Variants in PDIK1L observed in about 807,000 individuals in gnomAD.
The protein encoded by PDIK1L is PDLIM1 interacting kinase 1 like.
PDIK1L carries 9 observed loss-of-function variants against 27.1 expected under a neutral mutation model. The ratio of observed to expected loss-of-function variants is 0.33; its 90% CI spans 0.20 to 0.58. PDIK1L has a LOEUF of 0.58. Among genes scored for constraint, PDIK1L ranks in the 20% least tolerant of loss-of-function variants. The probability of loss-of-function intolerance (pLI) is 0.86; values close to 1 mark genes in which losing one functional copy is unlikely to be tolerated. For missense variants in PDIK1L, 216 were observed against 413.2 expected (o/e 0.52, Z 4.14); for synonymous variants, 130 against 141.7 (o/e 0.92, Z 0.59).
chr1:26,113,560 TAAGAA>T (rs2087833910), intron 1 of PDIK1L, among the ~76,000 whole-genome samples: 1 of 150,628 alleles, frequency 6.6e-6, no homozygotes, highest in African/African-American at 2.4e-5. Flanking sequence ...CATTATTGTG[TAAGAA>T]ATAAGGAGAT....
intron 2 of PDIK1L, among the ~76,000 whole-genome samples, chr1:26,117,248 T>A (rs1569808846): frequency 6.6e-6 from 1 of 151,470 alleles, no homozygotes; most frequent in African/African-American, 2.4e-5. Flanking sequence ...GCTAGGCTGG[T>A]CTCGAACTCC....
rs2088020970 is a variant in PDIK1L at position 26,123,172 on chromosome 1, AGTT to A, written c.*599_*601del. Reference sequence around the variant, plus strand: ...CCCTCCCCCTAATGAAATCATATTAAGTTGTTTTTTTTTTTTTTTGTAATATAC... The same window carrying A: ...CCCTCCCCCTAATGAAATCATATTAAGTTTTTTTTTTTTTTTGTAATATAC... On this transcript the variant is annotated 3_prime_UTR_variant, in exon 3 of 3. Transcript: ENST00000374269. The A allele has an allele frequency of 6.6e-6, 1 of 150,436 alleles. No individual in the cohort carries two copies. Among genetic ancestry groups the A allele is most frequent in the South Asian group, 2.1e-4 (1 of 4,746 alleles). The allele number at this position is 150,436 out of a possible 1,614,324, so 9.3% of individuals were successfully genotyped here.
At chr1:26,111,194 C>CCGCCGCCGCCGT (rs2087786265), upstream of PDIK1L, 1 of 157,976 alleles carries the variant, frequency 6.3e-6, no homozygotes, top group Non-Finnish European at 1.4e-5. The surrounding 1 kb of genome is among the most constrained non-coding windows in gnomAD (Gnocchi z 4.0). Context: ...CGCGCCGCCG[C>CCGCCGCCGCCGT]CGCCGCCGCC....
intron 2 of PDIK1L, among the ~76,000 whole-genome samples, chr1:26,115,750 C>G (rs371074499): frequency 5.4e-4 from 81 of 151,242 alleles, no homozygotes; most frequent in African/African-American, 1.8e-3. Flanking sequence ...TGCCGTGAGC[C>G]GAGATCGCGC....
In PDIK1L at chr1:26,125,185, T is replaced by C. The variant is rs2088056816; in HGVS notation, c.*2608T>C. ...TTGTCACTTAGAAAGATGGGGTTCC[T>C]GTAGATTTTTTGGTGCTAAGGGATA... On this transcript the variant is annotated 3_prime_UTR_variant, in exon 3 of 3. Transcript: ENST00000374269. 1 of 152,632 alleles carries C rather than the reference T, an allele frequency of 6.6e-6. No individual in the cohort carries two copies. Among genetic ancestry groups the C allele is most frequent in the Non-Finnish European group, 1.5e-5 (1 of 68,020 alleles). The allele number at this position is 152,632 out of a possible 1,614,324, so 9.5% of individuals were successfully genotyped here.
intron 2 of PDIK1L, among the ~76,000 whole-genome samples, chr1:26,118,903 A>C (rs1003904914): frequency 2.0e-5 from 3 of 152,272 alleles, no homozygotes; most frequent in African/African-American, 7.2e-5. Context: ...GTTTTTCCTG[A>C]TGTCTTCTTC....
At chr1:26,121,438 C>T (rs1247832975) in intron 2 of PDIK1L, among the ~76,000 whole-genome samples, 2 of 152,162 alleles carry the variant, frequency 1.3e-5, no homozygotes, top group Admixed American at 6.5e-5. Context: ...CATTGAATAG[C>T]GTTTCCTAAT....
chr1:26,113,683 G>A (rs141947974), intron 1 of PDIK1L, among the ~76,000 whole-genome samples: 1 of 152,028 alleles, frequency 6.6e-6, no homozygotes, highest in Admixed American at 6.6e-5. Flanking sequence ...TCACTTTCAG[G>A]CCTTAAGCAT....
Position 26,114,341 on chromosome 1 carries a change from AC to A in PDIK1L, c.34del (p.Arg12GlyfsTer3). On this transcript the variant is annotated frameshift_variant, in exon 2 of 3. Coordinates refer to ENST00000374269, the MANE Select transcript of PDIK1L (RefSeq NM_152835.5). LOFTEE classifies it high-confidence loss of function. This position sits in a 1 kb window ranked among gnomAD's most constrained non-coding sequence, Gnocchi z 4.8. The part of the protein sequence containing the change: ...VSSQPKYDLI[R>X]EVGRGSYGVV... ...GTAGCCAGCCAAAGTACGATCTAAT[AC>A]GGGAGGTAGGCCGAGGTAGTTACGG... is the stretch of plus-strand genomic sequence containing the variant. 6.2e-7 allele frequency: 1 copy of A among 1,614,004 alleles called. No individual in the cohort carries two copies.
intron 2 of PDIK1L, among the ~76,000 whole-genome samples, chr1:26,120,950 C>CAA (rs11316360): frequency 7.3e-5 from 7 of 96,292 alleles, no homozygotes; most frequent in African/African-American, 1.1e-4. Context: ...GACTCCGTCT[C>CAA]AAAAAAAAAA....
In PDIK1L at chr1:26,116,883, T is replaced by TTTTTGTGTA. The variant is rs1334361227; in HGVS notation, c.285+2294_285+2302dup. Among the ~76,000 whole-genome samples, 6 of 151,726 alleles carry TTTTTGTGTA rather than the reference T, an allele frequency of 4.0e-5. No individual in the cohort carries two copies. The East Asian group carries it at 1.2e-3, about 29-fold the overall frequency. ...GGCAACTGCCACCACGCCCGGCTAA[T>TTTTTGTGTA]TTTTGTGTATTTAGTAGAGATGAGA... is the stretch of plus-strand genomic sequence containing the variant. On this transcript the variant is annotated intron_variant, in intron 2 of 2. Transcript: ENST00000374269.
intron 2 of PDIK1L, among the ~76,000 whole-genome samples, chr1:26,115,360 C>G (rs936911420): frequency 2.0e-5 from 3 of 152,244 alleles, no homozygotes; most frequent in Admixed American, 6.5e-5. Context: ...GATTACTCTT[C>G]TGTAAACCTG....
chr1:26,114,488 C>A lies in PDIK1L; in HGVS notation c.180C>A (p.Ile60=). The A allele has an allele frequency of 6.2e-7, 1 of 1,614,138 alleles. No homozygotes were observed. The highest frequency in any genetic ancestry group is 1.1e-5 in the South Asian group (1 of 91,074). The change falls in exon 2 of 3, where the codon ATC becomes ATA. Residue 60 remains isoleucine, a synonymous_variant. Coordinates refer to ENST00000374269, the MANE Select transcript of PDIK1L (RefSeq NM_152835.5). This position sits in a 1 kb window ranked among gnomAD's most constrained non-coding sequence, Gnocchi z 4.8. ...GTGAGTTCTGGGCACTAAGCAGTAT[C>A]AAGAGCCAACATCCAAATGTGATTC... is the stretch of plus-strand genomic sequence containing the variant. The part of the protein sequence containing the change: ...ALREFWALSS[I]KSQHPNVIHL...
At chr1:26,111,271 C>G (rs1249087216), upstream of PDIK1L, 3 of 153,336 alleles carry the variant, frequency 2.0e-5, no homozygotes, top group East Asian at 5.8e-4. This position sits in a 1 kb window ranked among gnomAD's most constrained non-coding sequence, Gnocchi z 4.0. Context: ...GTCTCCCTCC[C>G]GGCGGGGCGG....
intron 2 of PDIK1L, among the ~76,000 whole-genome samples, chr1:26,117,730 G>A (rs58402929): frequency 0.012 from 1,891 of 151,966 alleles, 40 homozygotes; most frequent in African/African-American, 0.043. Context: ...GTGACAGAAC[G>A]AGACTCCATC....
chr1:26,115,838 A>G (rs779657361), intron 2 of PDIK1L, among the ~76,000 whole-genome samples: 1 of 151,814 alleles, frequency 6.6e-6, no homozygotes, highest in African/African-American at 2.4e-5. Flanking sequence ...CATTCTTGGA[A>G]AAGAAAACAA....
chr1:26,118,001 A>G (rs1334865031), intron 2 of PDIK1L, among the ~76,000 whole-genome samples: 2 of 151,614 alleles, frequency 1.3e-5, no homozygotes, highest in Non-Finnish European at 2.9e-5. Flanking sequence ...CGGAAGTTAC[A>G]GTGAGCCGAG....
intron 2 of PDIK1L, among the ~76,000 whole-genome samples, chr1:26,119,403 GTCTCTCTCTC>G (rs56711335): frequency 6.0e-5 from 9 of 148,952 alleles, no homozygotes; most frequent in African/African-American, 1.5e-4. Context: ...GCAAGACCTT[GTCTCTCTCTC>G]TCTCTCTCTC....
Position 26,114,227 on chromosome 1 carries a change from A to G in PDIK1L, c.-17-65A>G. ...CAGACAGATGACAAGTAAATCATACATAAGAAGAAATACAAGCCAGTAGGT... is the reference window on the plus strand; with the variant it reads ...CAGACAGATGACAAGTAAATCATACGTAAGAAGAAATACAAGCCAGTAGGT... On this transcript the variant is annotated intron_variant, in intron 1 of 2. Coordinates refer to ENST00000374269, the MANE Select transcript of PDIK1L (RefSeq NM_152835.5). This position sits in a 1 kb window ranked among gnomAD's most constrained non-coding sequence, Gnocchi z 4.8. The G allele has an allele frequency of 1.4e-6, 2 of 1,425,132 alleles. No individual in the cohort carries two copies. Among genetic ancestry groups the G allele is most frequent in the Non-Finnish European group, 1.9e-6 (2 of 1,057,942 alleles). The allele number at this position is 1,425,132 out of a possible 1,614,324, so 88.3% of individuals were successfully genotyped here.
Sources: allele counts gnomAD v4.1 joint callset (sites outside exome capture counted in the v4.1 genomes callset), GRCh38; gene constraint gnomAD v4.1.1; non-coding constraint Gnocchi (gnomAD v3.1); transcripts MANE v1.5; gene names NCBI Gene and HGNC (gene_info 2026-07-23, HGNC 2026-07-21).